TDRD7: variants seen among roughly 807,000 people sequenced by gnomAD.
TDRD7 encodes tudor domain containing 7, also known as tudor domain-containing protein 7.
Under a neutral mutation model 109.8 loss-of-function variants are expected in TDRD7, and 47 were observed. The ratio of observed to expected loss-of-function variants is 0.43; its 90% confidence interval spans 0.34 to 0.55. The LOEUF is 0.55. Ranked by LOEUF, TDRD7 falls within the 20% of genes least tolerant of loss-of-function variation. TDRD7 has a pLI of 0.03. For synonymous variants in TDRD7, 424 were observed against 457.3 expected, an observed-to-expected ratio of 0.93 and a Z score of 0.93; for missense variants, 1,164 against 1,319.2, an observed-to-expected ratio of 0.88 and a Z score of 1.82.
chr9:97,495,290 G>GA (rs1249391426), intron 16 of TDRD7, among the ~76,000 whole-genome samples: 1 of 151,630 alleles, frequency 6.6e-6, no homozygotes. Context: ...TGGTCCATCA[G>GA]AAAAAAAATT....
chr9:97,483,090 T>C lies in TDRD7; in HGVS notation c.2654T>C (p.Ile885Thr), dbSNP rs1829149752. ...ENFRKNLTDV[I>T]KKSMVDHTSA... ...TTCAGAAAGAACCTCACAGATGTCA[T>C]CAAAAAGTCCATGGTGGACCATACG... is the stretch of plus-strand genomic sequence containing the variant. The change falls in exon 15 of 17, where the codon ATC (isoleucine) becomes ACC (threonine). Residue 885 changes from isoleucine to threonine, a missense_variant. Physicochemically the swap from Ile to Thr is moderately conservative, Grantham distance 89. Transcript: ENST00000355295. 1 of 1,613,960 alleles carries C rather than the reference T, an allele frequency of 6.2e-7. No homozygotes were observed. Among genetic ancestry groups the C allele is most frequent in the African/African-American group, 1.3e-5 (1 of 74,914 alleles).
At chr9:97,494,975 T>G (rs1013169019) in intron 16 of TDRD7, among the ~76,000 whole-genome samples, 3 of 152,170 alleles carry the variant, frequency 2.0e-5, no homozygotes, top group Admixed American at 6.5e-5. Flanking sequence ...CCTCCCAAAG[T>G]GCTGGGATTA....
At position 97,463,644 on chromosome 9, in the gene TDRD7, A is replaced by T. The variant is rs555863765; in HGVS notation, c.1443-1198A>T. On this transcript the variant is annotated intron_variant, in intron 7 of 16. Transcript: ENST00000355295. ...AAAAGGCCTCGATCCTATGGCTGGG[A>T]CAGCTTCTCTTACATGACCCAAACT... Among the ~76,000 whole-genome samples, 4 of 152,264 alleles carry T rather than the reference A, an allele frequency of 2.6e-5. No individual in the cohort carries two copies. The East Asian group carries it at 7.7e-4, about 29-fold the overall frequency.
At chr9:97,475,132 G>A (rs138934639) in intron 11 of TDRD7, among the ~76,000 whole-genome samples, 11 of 152,292 alleles carry the variant, frequency 7.2e-5, no homozygotes, top group African/African-American at 2.6e-4. Flanking sequence ...TTATGCTAAT[G>A]TTTTTAGACA....
intron 1 of TDRD7, among the ~76,000 whole-genome samples, chr9:97,424,847 CT>C (rs544050504): frequency 9.2e-4 from 140 of 151,742 alleles, no homozygotes; most frequent in African/African-American, 3.3e-3. Flanking sequence ...TTTCTCTACC[CT>C]TTTTTTTCTC....
rs1215036237 is a variant in TDRD7 at position 97,439,273 on chromosome 9, C to T, written c.592C>T (p.Pro198Ser). 4 of 1,602,636 alleles carry T rather than the reference C, an allele frequency of 2.5e-6. No homozygotes were observed. In the East Asian group the frequency reaches 8.9e-5, roughly 36 times the overall value. The change falls in exon 5 of 17, where the codon CCT becomes TCT. Residue 198 changes from proline (P) to serine (S), a missense_variant. Around this residue, in one of 5 missense-constraint regions of TDRD7, gnomAD observed 407 missense variants for 394.0 expected, o/e 1.03. Transcript: ENST00000355295. Reference sequence around the variant, plus strand: ...TAGCCCAAAGGCGTCCCTTCAACCACCTTTGCAGATGCATCTCTCAAGAAC... The same window carrying T: ...TAGCCCAAAGGCGTCCCTTCAACCATCTTTGCAGATGCATCTCTCAAGAAC... ...RFSPKASLQP[P>S]LQMHLSRTST... is the part of the protein sequence containing the mutation.
At chr9:97,460,808 G>A in intron 7 of TDRD7, 44 bp downstream of exon 7, 1 of 1,551,728 alleles carries the variant, frequency 6.4e-7, no homozygotes, top group Non-Finnish European at 8.9e-7. Context: ...ATATACTTTT[G>A]TCACTTGTCT....
At chr9:97,463,386 T>G (rs917023131) in intron 7 of TDRD7, among the ~76,000 whole-genome samples, 7 of 151,714 alleles carry the variant, frequency 4.6e-5, no homozygotes, top group Non-Finnish European at 8.8e-5. Context: ...TTTTGTTTTT[T>G]TTTTTTTTTT....
At chr9:97,421,696 TTTTG>T (rs957853398) in intron 1 of TDRD7, among the ~76,000 whole-genome samples, 2 of 119,388 alleles carry the variant, frequency 1.7e-5, no homozygotes, top group Admixed American at 9.9e-5. Context: ...TATGCCCAGC[TTTTG>T]TGTGTGTGTG....
Position 97,441,797 on chromosome 9 carries a change from T to G in TDRD7, c.777T>G (p.His259Gln), listed in dbSNP as rs975893733. The G allele has an allele frequency of 1.9e-6, 3 of 1,613,708 alleles. No individual in the cohort carries two copies. In the African/African-American group the frequency reaches 4.0e-5, roughly 22 times the overall value. ...NNGIWISKLP[H>Q]FYKELYKEDL... ...GCATTTGGATATCTAAGCTTCCACA[T>G]TTTTACAAAGAGTTATATAAAGAAG... The change falls in exon 6 of 17, where the codon CAT (histidine) becomes CAG (glutamine). Residue 259 changes from histidine to glutamine, a missense_variant. This residue lies in a region of TDRD7 where 407 missense variants were observed against 394.0 expected (regional missense o/e 1.03). Transcript: ENST00000355295.
chr9:97,445,795 G>C (rs1042639768), intron 6 of TDRD7, among the ~76,000 whole-genome samples: 27 of 152,118 alleles, frequency 1.8e-4, no homozygotes, highest in African/African-American at 5.6e-4. Flanking sequence ...GGTCACCCAG[G>C]ATCCATGGCC....
intron 1 of TDRD7, among the ~76,000 whole-genome samples, chr9:97,420,434 T>C (rs1587856586): frequency 6.6e-6 from 1 of 152,198 alleles, no homozygotes; most frequent in East Asian, 1.9e-4. Context: ...TCCCTCTTTA[T>C]AGCCAATCAC....
chr9:97,472,708 G>C (rs1160720999), intron 10 of TDRD7, among the ~76,000 whole-genome samples: 1 of 152,030 alleles, frequency 6.6e-6, no homozygotes, highest in African/African-American at 2.4e-5. Flanking sequence ...TCCATTTCCT[G>C]CAATGAGCAT....
At chr9:97,489,963 C>A (rs1046989214) in intron 16 of TDRD7, among the ~76,000 whole-genome samples, 3 of 151,940 alleles carry the variant, frequency 2.0e-5, no homozygotes, top group Admixed American at 1.3e-4. Flanking sequence ...ATTCCTTCCT[C>A]CAGGCTCCTG....
intron 6 of TDRD7, among the ~76,000 whole-genome samples, chr9:97,445,759 G>A (rs1828389350): frequency 6.6e-6 from 1 of 152,176 alleles, no homozygotes; most frequent in South Asian, 2.1e-4. Context: ...ATCATTTGGT[G>A]GAAACACAGC....
At chr9:97,471,617 A>G (rs1339988629) in intron 9 of TDRD7, among the ~76,000 whole-genome samples, 1 of 152,236 alleles carries the variant, frequency 6.6e-6, no homozygotes, top group Non-Finnish European at 1.5e-5. Flanking sequence ...GTAGAAAAAT[A>G]TGGAAATAGG....
At chr9:97,469,994 G>A (rs539821876) in intron 8 of TDRD7, among the ~76,000 whole-genome samples, 2 of 152,158 alleles carry the variant, frequency 1.3e-5, no homozygotes, top group South Asian at 4.1e-4. Context: ...ATTCCATGTT[G>A]TTCAGCAGTG....
Position 97,483,101 on chromosome 9 carries a change from A to G in TDRD7, c.2665A>G (p.Met889Val), listed in dbSNP as rs149536158. 2.0e-4 allele frequency: 327 copies of G among 1,614,180 alleles called. No individual in the cohort carries two copies. Among genetic ancestry groups the G allele is most frequent in the Non-Finnish European group, 2.4e-4 (279 of 1,180,020 alleles). Residue 889 changes from methionine (M) to valine (V), a missense_variant, in exon 15 of 17, where the codon ATG becomes GTG. By Grantham distance (21) the Met-to-Val change is conservative (BLOSUM62 1). This residue lies in a region of TDRD7 where 233 missense variants were observed against 218.0 expected (regional missense o/e 1.07). Transcript: ENST00000355295. ...KNLTDVIKKS[M>V]VDHTSAFSTE... ...CCTCACAGATGTCATCAAAAAGTCC[A>G]TGGTGGACCATACGAGCGCTTTCTC...
chr9:97,428,314 A>T, intron 1 of TDRD7, 146 bp from the exon 2 acceptor site: 1 of 797,488 alleles, frequency 1.3e-6, no homozygotes, highest in Non-Finnish European at 2.1e-6. Context: ...GCTTTTCTCT[A>T]CCGTGGCAGT....
Sources: allele counts gnomAD v4.1 joint callset (sites outside exome capture counted in the v4.1 genomes callset), GRCh38; gene constraint gnomAD v4.1.1; regional missense constraint gnomAD v4.1.1; transcripts MANE v1.5; gene names NCBI Gene and HGNC (gene_info 2026-07-23, HGNC 2026-07-21).